EHBP1: variants seen among roughly 807,000 people sequenced by gnomAD.
EHBP1 encodes the protein EH domain-binding protein 1.
EHBP1 carries 55 observed loss-of-function variants against 144.0 expected under a neutral mutation model. The ratio of observed to expected loss-of-function variants is 0.38; its 90% confidence interval spans 0.31 to 0.48. EHBP1 has a LOEUF of 0.48. Ranked by LOEUF, EHBP1 falls within the 20% of genes least tolerant of loss-of-function variation. The pLI is 0.98. For synonymous variants in EHBP1, 469 were observed against 472.7 expected, an observed-to-expected ratio of 0.99 and a Z score of 0.10; for missense variants, 1,200 against 1,364.2, an observed-to-expected ratio of 0.88 and a Z score of 1.90.
At chr2:63,038,704 A>G (rs1461994327) in intron 20 of EHBP1, 39 bp from the exon 21 acceptor site, 1 of 1,560,834 alleles carries the variant, frequency 6.4e-7, no homozygotes, top group Non-Finnish European at 8.8e-7. Context: ...TTAATGATTT[A>G]GTAATTAGCA....
chr2:62,749,765 G>A (rs1185142830), intron 3 of EHBP1, among the ~76,000 whole-genome samples: 1 of 152,072 alleles, frequency 6.6e-6, no homozygotes, highest in East Asian at 1.9e-4. Flanking sequence ...GTGTCTTTTG[G>A]CTGCATAAAT....
At chr2:62,885,955 C>T (rs1209181664) in intron 10 of EHBP1, among the ~76,000 whole-genome samples, 1 of 152,196 alleles carries the variant, frequency 6.6e-6, no homozygotes, top group Non-Finnish European at 1.5e-5. Flanking sequence ...TTGCTTCTTT[C>T]TAGAAAGTTC....
At chr2:63,041,730 C>CT (rs2061666923) in intron 21 of EHBP1, among the ~76,000 whole-genome samples, 1 of 152,156 alleles carries the variant, frequency 6.6e-6, no homozygotes, top group Admixed American at 6.5e-5. Flanking sequence ...GATGCAAACT[C>CT]TTTCAGGATT....
At chr2:62,911,747 C>CCACG (rs1303546422) in intron 10 of EHBP1, among the ~76,000 whole-genome samples, 2 of 152,162 alleles carry the variant, frequency 1.3e-5, no homozygotes, top group African/African-American at 2.4e-5. Context: ...CAGACGTGAG[C>CCACG]CACGGCACCC....
At chr2:62,876,891 A>G (rs1007767460) in intron 10 of EHBP1, among the ~76,000 whole-genome samples, 2 of 152,234 alleles carry the variant, frequency 1.3e-5, no homozygotes, top group Non-Finnish European at 2.9e-5. Flanking sequence ...GGGTGGAGAT[A>G]CAGAGACAAA....
rs1313740146 is a variant in EHBP1 at position 62,845,912 on chromosome 2, A to G, written c.635-13257A>G. Among the ~76,000 whole-genome samples, 3 of 152,172 alleles carry G rather than the reference A, an allele frequency of 2.0e-5. No homozygotes were observed. The East Asian group carries it at 5.8e-4, about 29-fold the overall frequency. On this transcript the variant is annotated intron_variant, in intron 7 of 22. Coordinates refer to ENST00000431489, the MANE Select transcript of EHBP1 (RefSeq NM_001142616.3). Reference sequence around the variant, plus strand: ...GTCACTAAGGTTGGGAATAGGAGGAAAGCAGAGAGGTAGGGCAATTCTGAT... The same window carrying G: ...GTCACTAAGGTTGGGAATAGGAGGAGAGCAGAGAGGTAGGGCAATTCTGAT...
intron 5 of EHBP1, among the ~76,000 whole-genome samples, chr2:62,822,292 A>G: frequency 6.6e-6 from 1 of 152,180 alleles, no homozygotes; most frequent in East Asian, 1.9e-4. Flanking sequence ...ATAGAGGTGG[A>G]GAACTCATTT....
chr2:62,873,651 T>C (rs1230601736), intron 9 of EHBP1, among the ~76,000 whole-genome samples: 1 of 152,092 alleles, frequency 6.6e-6, no homozygotes, highest in Non-Finnish European at 1.5e-5. Context: ...AATCCACACC[T>C]AGACATGTCA....
intron 3 of EHBP1, among the ~76,000 whole-genome samples, chr2:62,750,598 A>G (rs2039597067): frequency 6.6e-6 from 1 of 152,208 alleles, no homozygotes; most frequent in East Asian, 1.9e-4. Flanking sequence ...CATGATATTC[A>G]TTATTCCTAT....
intron 20 of EHBP1, 121 bp downstream of exon 20, chr2:63,037,755 G>T: frequency 3.6e-6 from 2 of 559,414 alleles, no homozygotes; most frequent in Non-Finnish European, 6.1e-6. Flanking sequence ...GCGATTACAT[G>T]TTTTATAAAA....
intron 2 of EHBP1, among the ~76,000 whole-genome samples, chr2:62,715,843 A>C (rs2035620189): frequency 6.6e-6 from 1 of 152,104 alleles, no homozygotes; most frequent in Admixed American, 6.6e-5. Flanking sequence ...TTTTTGAGAG[A>C]AACGTTTTCT....
At chr2:62,842,205 G>A (rs184461725) in intron 7 of EHBP1, among the ~76,000 whole-genome samples, 68 of 152,112 alleles carry the variant, frequency 4.5e-4, no homozygotes, top group Non-Finnish European at 8.5e-4. Context: ...TCCTGCCTCA[G>A]CCTCCCGAGT....
intron 7 of EHBP1, among the ~76,000 whole-genome samples, chr2:62,841,365 A>G (rs1021985080): frequency 1.7e-4 from 26 of 149,858 alleles, no homozygotes; most frequent in Non-Finnish European, 3.3e-4. Flanking sequence ...GGGGAGGGAT[A>G]GCATTGGGAG....
At chr2:62,742,129 T>C (rs538437782) in intron 2 of EHBP1, among the ~76,000 whole-genome samples, 6 of 152,296 alleles carry the variant, frequency 3.9e-5, no homozygotes, top group South Asian at 2.1e-4. Context: ...AGTCTAGGTA[T>C]GTAGTAGGTT....
intron 1 of EHBP1, among the ~76,000 whole-genome samples, chr2:62,680,168 T>A (rs1489438817): frequency 1.3e-5 from 2 of 152,138 alleles, no homozygotes; most frequent in East Asian, 3.8e-4. Context: ...GAAAGGAAAG[T>A]TCTATTTTTA....
At chr2:62,729,437 T>C (rs909084526) in intron 2 of EHBP1, among the ~76,000 whole-genome samples, 6 of 116,486 alleles carry the variant, frequency 5.2e-5, no homozygotes, top group Non-Finnish European at 8.4e-5. Context: ...ATAATAATAA[T>C]AAATATAATA....
chr2:62,696,603 T>C (rs1223425367), intron 1 of EHBP1, among the ~76,000 whole-genome samples: 1 of 124,244 alleles, frequency 8.0e-6, no homozygotes, highest in Non-Finnish European at 1.6e-5. Context: ...AAGCTCCACC[T>C]CCCGGGTTCA....
At chr2:62,937,029 T>C (rs921819481) in intron 10 of EHBP1, among the ~76,000 whole-genome samples, 4 of 152,210 alleles carry the variant, frequency 2.6e-5, no homozygotes, top group African/African-American at 9.6e-5. Context: ...AGCCAGTAAT[T>C]TGAAATCCAA....
chr2:62,749,150 A>G (rs2039435813), intron 3 of EHBP1, among the ~76,000 whole-genome samples: 1 of 151,852 alleles, frequency 6.6e-6, no homozygotes, highest in Admixed American at 6.6e-5. Context: ...CCACCCCACA[A>G]CAGGCCCCCT....
Sources: gnomAD v4.1 joint callset for allele counts (sites outside exome capture counted in the v4.1 genomes callset) on GRCh38, gnomAD v4.1.1 for gene constraint, MANE v1.5 for transcripts, NCBI Gene and HGNC (gene_info 2026-07-23, HGNC 2026-07-21) for gene names.